The following TRDN variants were observed in gnomAD, a reference collection of about 807,000 sequenced individuals.
TRDN encodes triadin in skeletal muscle.
Under a neutral mutation model 149.7 loss-of-function variants are expected in TRDN, and 161 were observed. That is an observed-to-expected ratio of 1.08 (90% CI 0.95 to 1.23). The LOEUF is 1.23. TRDN is among the 50% of genes most tolerant of loss of function. The pLI, the probability that TRDN is intolerant of heterozygous loss-of-function variation, is 0.00. For synonymous variants in TRDN, 294 were observed against 250.5 expected, an observed-to-expected ratio of 1.17 and a Z score of -1.64; for missense variants, 896 against 823.5, an observed-to-expected ratio of 1.09 and a Z score of -1.08.
At chr6:123,619,086 TGTA>T (rs1785247845) in intron 1 of TRDN, among the ~76,000 whole-genome samples, 1 of 152,136 alleles carries the variant, frequency 6.6e-6, no homozygotes. Flanking sequence ...CATTGGGTAA[TGTA>T]GTATTATGAA....
intron 1 of TRDN, among the ~76,000 whole-genome samples, chr6:123,573,155 C>T (rs1205911523): frequency 6.6e-6 from 1 of 152,012 alleles, no homozygotes; most frequent in Non-Finnish European, 1.5e-5. Context: ...GGAATTAACT[C>T]CTGGCTTCTC....
chr6:123,289,275 T>C (rs1043221533), intron 24 of TRDN, among the ~76,000 whole-genome samples: 1 of 151,448 alleles, frequency 6.6e-6, no homozygotes, highest in Admixed American at 6.6e-5. Context: ...TCTAAATAAG[T>C]CAATCTCATA....
At position 123,217,766 on chromosome 6, in the gene TRDN, T is replaced by C. The variant is rs1480833589; in HGVS notation, c.*835A>G. On this transcript the variant is annotated 3_prime_UTR_variant, in exon 41 of 41. Coordinates refer to ENST00000334268, the MANE Select transcript of TRDN (RefSeq NM_006073.4). The stretch of plus-strand genomic sequence containing the variant: ...AATATTTTTATATTTGTCACCCAAA[T>C]TTAGTGATTGATCTAAAATTTCACC... 1 of 152,034 alleles carries C rather than the reference T, an allele frequency of 6.6e-6. No individual in the cohort carries two copies. The highest frequency in any genetic ancestry group is 6.6e-5 in the Admixed American group (1 of 15,234). The allele number at this position is 152,034 out of a possible 1,614,324, so 9.4% of individuals were successfully genotyped here.
At chr6:123,550,322 G>A (rs920450206) in intron 2 of TRDN, among the ~76,000 whole-genome samples, 1 of 151,968 alleles carries the variant, frequency 6.6e-6, no homozygotes, top group African/African-American at 2.4e-5. Context: ...GAGGGAGAAG[G>A]AACCAAGAAA....
At chr6:123,300,154 T>C (rs1449563626) in intron 24 of TRDN, among the ~76,000 whole-genome samples, 2 of 151,944 alleles carry the variant, frequency 1.3e-5, no homozygotes, top group African/African-American at 4.8e-5. Flanking sequence ...TTAAATTTCA[T>C]TACTACCACC....
chr6:123,351,876 G>T (rs1353230902), intron 21 of TRDN: 7 of 984,784 alleles, frequency 7.1e-6, no homozygotes, highest in Non-Finnish European at 8.4e-6. Flanking sequence ...AGCTCTAAGA[G>T]AAGCCACATC....
intron 1 of TRDN, among the ~76,000 whole-genome samples, chr6:123,619,314 T>C (rs1348912886): frequency 6.6e-6 from 1 of 152,172 alleles, no homozygotes; most frequent in South Asian, 2.1e-4. Context: ...GTGGCTCTAC[T>C]GGGGACTAGA....
At chr6:123,274,718 A>G (rs781273608) in intron 26 of TRDN, 48 bp from the exon 27 acceptor site, 2 of 1,509,778 alleles carry the variant, frequency 1.3e-6, no homozygotes, top group Non-Finnish European at 1.8e-6. Context: ...AAAATAAACT[A>G]GAATGAAAAT....
chr6:123,410,545 T>A (rs566408719), intron 12 of TRDN, among the ~76,000 whole-genome samples: 1 of 152,322 alleles, frequency 6.6e-6, no homozygotes, highest in African/African-American at 2.4e-5. Flanking sequence ...AAGTATATAT[T>A]TATTGTGTAT....
intron 39 of TRDN, among the ~76,000 whole-genome samples, chr6:123,223,316 C>T (rs1775220617): frequency 6.6e-6 from 1 of 151,544 alleles, no homozygotes; most frequent in Admixed American, 6.6e-5. Context: ...GAAAGAGGAT[C>T]AGAAAAAATA....
chr6:123,514,626 C>A (rs367868969), intron 6 of TRDN, among the ~76,000 whole-genome samples: 1 of 103,360 alleles, frequency 9.7e-6, no homozygotes, highest in African/African-American at 4.1e-5. Context: ...GGTATACATA[C>A]CCAAAACACA....
At chr6:123,587,072 T>C (rs1305269704) in intron 1 of TRDN, among the ~76,000 whole-genome samples, 2 of 150,922 alleles carry the variant, frequency 1.3e-5, no homozygotes, top group African/African-American at 4.9e-5. Context: ...GGGTTGGGGG[T>C]TTCTTGCCCC....
rs773849208 is a variant in TRDN at position 123,497,263 on chromosome 6, A to T, written c.794-11T>A. Reference sequence around the variant, plus strand: ...AGAATGCATACTGATCTGACAGAGTAGAAAGAAAAAGAGCAATGAAAAAAT... The same window carrying T: ...AGAATGCATACTGATCTGACAGAGTTGAAAGAAAAAGAGCAATGAAAAAAT... On this transcript the variant is annotated splice_polypyrimidine_tract_variant and intron_variant, in intron 8 of 40. Transcript: ENST00000334268. The T allele has an allele frequency of 2.2e-5, 33 of 1,500,582 alleles. 2 individuals carry two copies. In the South Asian group the frequency reaches 4.3e-4, roughly 20 times the overall value. 93.0% of individuals were successfully genotyped at this position (1,500,582 alleles called of 1,614,324 possible). A position where few individuals can be genotyped will look rare whatever the true frequency, so the allele number is the denominator to read the frequency against.
chr6:123,576,713 A>T (rs1467997493), intron 1 of TRDN, among the ~76,000 whole-genome samples: 1 of 152,082 alleles, frequency 6.6e-6, no homozygotes, highest in Admixed American at 6.6e-5. Context: ...TTGGAGAGAC[A>T]CAAACATTCA....
In TRDN at chr6:123,591,704, A is replaced by G. The variant is rs527790114; in HGVS notation, c.23-20572T>C. On this transcript the variant is annotated intron_variant, in intron 1 of 40. Transcript: ENST00000334268. Reference sequence around the variant, plus strand: ...AAAATTTAGAGAGATAAGGTTTCCTATGTGTTTTGTTTTTATCATTTAATC... The same window carrying G: ...AAAATTTAGAGAGATAAGGTTTCCTGTGTGTTTTGTTTTTATCATTTAATC... 4.6e-5 allele frequency among the ~76,000 whole-genome samples: 7 copies of G among 152,320 alleles called. No individual in the cohort carries two copies. The South Asian group carries it at 1.2e-3, about 27-fold the overall frequency.
intron 31 of TRDN, among the ~76,000 whole-genome samples, 146 bp downstream of exon 31, chr6:123,269,686 TTATCACTAACAATTAAA>T (rs1444970003): frequency 6.6e-6 from 1 of 151,924 alleles, no homozygotes; most frequent in Non-Finnish European, 1.5e-5. Context: ...TAACATTAAT[TTATCACTAACAATTAAA>T]TAGCAATAAC....
intron 1 of TRDN, among the ~76,000 whole-genome samples, chr6:123,588,411 A>C (rs986822639): frequency 6.6e-6 from 1 of 152,186 alleles, no homozygotes; most frequent in Non-Finnish European, 1.5e-5. Context: ...AGGAGATATA[A>C]GGAGACATGT....
At chr6:123,253,778 T>A (rs930569643) in intron 37 of TRDN, among the ~76,000 whole-genome samples, 8 of 152,074 alleles carry the variant, frequency 5.3e-5, no homozygotes, top group African/African-American at 1.9e-4. Flanking sequence ...GAAGTCTGAA[T>A]CTCTTGTACA....
intron 6 of TRDN, among the ~76,000 whole-genome samples, chr6:123,515,792 A>G (rs968674780): frequency 6.6e-6 from 1 of 152,136 alleles, no homozygotes; most frequent in Non-Finnish European, 1.5e-5. Flanking sequence ...CTAATAGATA[A>G]TCAAAATATG....
Sources: allele counts gnomAD v4.1 joint callset (sites outside exome capture counted in the v4.1 genomes callset), GRCh38; gene constraint gnomAD v4.1.1; transcripts MANE v1.5; gene names NCBI Gene and HGNC (gene_info 2026-07-23, HGNC 2026-07-21).